The following PCMTD1 variants were observed in gnomAD, a reference collection of about 807,000 sequenced individuals.
The protein encoded by PCMTD1 is protein-L-isoaspartate O-methyltransferase domain-containing protein 1.
Under a neutral mutation model 37.6 loss-of-function variants are expected in PCMTD1, and 12 were observed. That is an observed-to-expected ratio of 0.32 (90% CI 0.20 to 0.52). The LOEUF is 0.52. Ranked by LOEUF, PCMTD1 falls within the 20% of genes least tolerant of loss-of-function variation. PCMTD1 has a pLI of 0.97. For synonymous variants in PCMTD1, 117 were observed against 135.8 expected (o/e 0.86, Z 0.96); for missense variants, 235 against 421.3 (o/e 0.56, Z 3.87).
chr8:51,832,033 G>A (rs2038005308), intron 4 of PCMTD1, among the ~76,000 whole-genome samples: 1 of 152,178 alleles, frequency 6.6e-6, no homozygotes, highest in Non-Finnish European at 1.5e-5. Context: ...ACAAATAAAT[G>A]TAATTACAAA....
rs141115331 is a variant in PCMTD1, at chr8:51,871,942, G to T, written c.-95-10696C>A. Among the ~76,000 whole-genome samples, 201 of 152,214 alleles carry T rather than the reference G, an allele frequency of 1.3e-3. 1 individual carries two copies. Among genetic ancestry groups the T allele is most frequent in the African/African-American group, 4.6e-3 (192 of 41,540 alleles). Reference sequence around the variant, plus strand: ...TCCACATTACACATTTTGATACATGGTGAGTTTTAAGATGCCTATATTCAC... The same window carrying T: ...TCCACATTACACATTTTGATACATGTTGAGTTTTAAGATGCCTATATTCAC... On this transcript the variant is annotated intron_variant, in intron 1 of 5. Coordinates refer to ENST00000522514, the MANE Select transcript of PCMTD1 (RefSeq NM_052937.4).
intron 5 of PCMTD1, among the ~76,000 whole-genome samples, chr8:51,821,668 A>C (rs2037850187): frequency 6.6e-6 from 1 of 152,212 alleles, no homozygotes; most frequent in East Asian, 1.9e-4. Context: ...TCAATTATAA[A>C]GAAGAAAAAT....
At chr8:51,833,790 AATTAT>A in intron 3 of PCMTD1, 101 bp from the exon 4 acceptor site, 1 of 747,232 alleles carries the variant, frequency 1.3e-6, no homozygotes, top group Non-Finnish European at 2.1e-6. Context: ...TACCCAAATT[AATTAT>A]AAGGATAAAA....
intron 1 of PCMTD1, among the ~76,000 whole-genome samples, chr8:51,873,710 C>T (rs1022733388): frequency 1.3e-5 from 2 of 152,150 alleles, no homozygotes; most frequent in East Asian, 1.9e-4. Flanking sequence ...CCTCCCCCTA[C>T]GCTCTCTGGC....
chr8:51,875,580 A>G (rs1340054815), intron 1 of PCMTD1, among the ~76,000 whole-genome samples: 1 of 152,216 alleles, frequency 6.6e-6, no homozygotes, highest in Non-Finnish European at 1.5e-5. Context: ...GTTCATTATA[A>G]GTCATAGTCT....
intron 1 of PCMTD1, among the ~76,000 whole-genome samples, chr8:51,893,347 T>A (rs560363260): frequency 9.2e-5 from 14 of 152,324 alleles, no homozygotes; most frequent in Admixed American, 9.1e-4. Context: ...ATCGATAGAT[T>A]ATTTTTAAAA....
chr8:51,896,954 A>C (rs1393428609), intron 1 of PCMTD1, among the ~76,000 whole-genome samples: 1 of 151,740 alleles, frequency 6.6e-6, no homozygotes, highest in Non-Finnish European at 1.5e-5. Flanking sequence ...TACTCTATAG[A>C]ATGAGAAGAA....
intron 1 of PCMTD1, among the ~76,000 whole-genome samples, chr8:51,874,566 T>A (rs1333607213): frequency 1.3e-5 from 2 of 152,150 alleles, no homozygotes; most frequent in Non-Finnish European, 2.9e-5. Context: ...ACCTTTAAAA[T>A]CATAAAGAAT....
At chr8:51,889,698 A>T (rs909834587) in intron 1 of PCMTD1, among the ~76,000 whole-genome samples, 6 of 152,230 alleles carry the variant, frequency 3.9e-5, no homozygotes, top group African/African-American at 1.4e-4. Flanking sequence ...TGTGGAAAGT[A>T]TCAAATTTAA....
At chr8:51,898,862 CCG>C (rs2039052126) in intron 1 of PCMTD1, 66 bp downstream of exon 1, 1 of 1,238,738 alleles carries the variant, frequency 8.1e-7, no homozygotes, top group African/African-American at 1.6e-5. Flanking sequence ...TCCCAGTCGC[CCG>C]CCCGGCCCTA....
intron 1 of PCMTD1, among the ~76,000 whole-genome samples, chr8:51,895,731 C>G (rs1333929441): frequency 1.3e-5 from 2 of 152,000 alleles, no homozygotes; most frequent in South Asian, 4.1e-4. Flanking sequence ...TCTGTGTCAC[C>G]TAATTATAAA....
chr8:51,825,029 AC>A (rs2037902114), intron 5 of PCMTD1, among the ~76,000 whole-genome samples: 1 of 151,962 alleles, frequency 6.6e-6, no homozygotes, highest in Non-Finnish European at 1.5e-5. Flanking sequence ...CTTACACCTT[AC>A]ACAAAAATCA....
chr8:51,877,917 T>TA lies in PCMTD1; in HGVS notation c.-95-16672dup, dbSNP rs562955187. On this transcript the variant is annotated intron_variant, in intron 1 of 5. Coordinates refer to ENST00000522514, the MANE Select transcript of PCMTD1 (RefSeq NM_052937.4). ...GTTCTTGGAAAATATGTACTAAAGT[T>TA]AAAAAAAAATTCTACTCCAAACTAC... Among the ~76,000 whole-genome samples the TA allele has an allele frequency of 2.0e-3, 301 of 151,688 alleles. 1 individual carries two copies. The highest frequency in any genetic ancestry group is 3.6e-3 in the Admixed American group (55 of 15,242).
At chr8:51,827,736 C>A (rs1281235557) in intron 5 of PCMTD1, among the ~76,000 whole-genome samples, 4 of 152,236 alleles carry the variant, frequency 2.6e-5, no homozygotes, top group Admixed American at 1.3e-4. Context: ...CCCATCACCA[C>A]CCCCAGATTA....
intron 2 of PCMTD1, chr8:51,850,234 T>C: frequency 1.7e-6 from 1 of 594,678 alleles, no homozygotes; most frequent in South Asian, 2.1e-5. Flanking sequence ...AGCATTAAAT[T>C]ATGTAAAACT....
chr8:51,880,429 G>A (rs2038775719), intron 1 of PCMTD1, among the ~76,000 whole-genome samples: 1 of 152,068 alleles, frequency 6.6e-6, no homozygotes. Flanking sequence ...CTCTTACTAT[G>A]TTTTCTTACA....
chr8:51,864,379 C>G (rs576790150), intron 1 of PCMTD1, among the ~76,000 whole-genome samples: 2 of 152,152 alleles, frequency 1.3e-5, no homozygotes, highest in Non-Finnish European at 1.5e-5. Flanking sequence ...ACTTGAACAA[C>G]GCTTTAGACC....
At chr8:51,871,712 T>G (rs1319978030) in intron 1 of PCMTD1, among the ~76,000 whole-genome samples, 1 of 152,244 alleles carries the variant, frequency 6.6e-6, no homozygotes, top group African/African-American at 2.4e-5. Context: ...AAGAAACAAC[T>G]GTTGACTAAG....
intron 1 of PCMTD1, among the ~76,000 whole-genome samples, chr8:51,894,513 A>G (rs2129296408): frequency 6.6e-6 from 1 of 152,304 alleles, no homozygotes; most frequent in East Asian, 1.9e-4. Flanking sequence ...ATGAAGTTCC[A>G]ATTTCTTCAC....
Sources: allele counts gnomAD v4.1 joint callset (sites outside exome capture counted in the v4.1 genomes callset), GRCh38; gene constraint gnomAD v4.1.1; transcripts MANE v1.5; gene names NCBI Gene and HGNC (gene_info 2026-07-23, HGNC 2026-07-21).